The following NFATC3 variants were observed in gnomAD, a reference collection of about 807,000 sequenced individuals.
NFATC3 encodes nuclear factor of activated T cells 3, also known as nuclear factor of activated T-cells, cytoplasmic 3.
Under a neutral mutation model 98.6 loss-of-function variants are expected in NFATC3, and 46 were observed. The ratio of observed to expected loss-of-function variants is 0.47; its 90% CI spans 0.37 to 0.60. NFATC3 has a LOEUF of 0.60. Among genes scored for constraint, NFATC3 ranks in the 20% least tolerant of loss-of-function variants. The probability of loss-of-function intolerance (pLI) is 0.00; values close to 1 mark genes in which losing one functional copy is unlikely to be tolerated. For missense variants in NFATC3, 1,256 were observed against 1,295.5 expected, an observed-to-expected ratio of 0.97 and a Z score of 0.47; for synonymous variants, 512 against 472.2, an observed-to-expected ratio of 1.08 and a Z score of -1.09.
chr16:68,106,791 G>T (rs779881143), intron 1 of NFATC3, among the ~76,000 whole-genome samples: 1 of 151,688 alleles, frequency 6.6e-6, no homozygotes, highest in Non-Finnish European at 1.5e-5. Flanking sequence ...ACATGTGCAG[G>T]ATATGGAAGT....
intron 8 of NFATC3, among the ~76,000 whole-genome samples, chr16:68,185,189 CT>C (rs1468472137): frequency 1.3e-5 from 2 of 152,064 alleles, no homozygotes; most frequent in Admixed American, 1.3e-4. Flanking sequence ...GTTGGCCAGG[CT>C]GGTCTCGAAC....
At chr16:68,138,396 G>T in intron 3 of NFATC3, 1 of 732,010 alleles carries the variant, frequency 1.4e-6, no homozygotes, top group Non-Finnish European at 1.9e-6. Flanking sequence ...CTCCTTCCTT[G>T]GATTAATCAT....
Position 68,106,927 on chromosome 16 carries a change from C to G in NFATC3, c.104-15060C>G, listed in dbSNP as rs118167006. 4.8e-3 allele frequency among the ~76,000 whole-genome samples: 736 copies of G among 152,196 alleles called. 20 individuals carry two copies. The highest frequency in any genetic ancestry group is 0.041 in the East Asian group (212 of 5,174). Reference sequence around the variant, plus strand: ...CTCCCTCTCTCGTGACCCCCACCCCCAGACAGGCCCCAGTGTGTGTTGTTC... The same window carrying G: ...CTCCCTCTCTCGTGACCCCCACCCCGAGACAGGCCCCAGTGTGTGTTGTTC... On this transcript the variant is annotated intron_variant, in intron 1 of 9. Transcript: ENST00000346183.
chr16:68,174,413 A>G lies in NFATC3; in HGVS notation c.1814A>G (p.Tyr605Cys), dbSNP rs759299869. The G allele has an allele frequency of 2.5e-6, 4 of 1,595,646 alleles. No individual in the cohort carries two copies. The highest frequency in any genetic ancestry group is 3.4e-6 in the Non-Finnish European group (4 of 1,171,444). Residue 605 changes from tyrosine (Y) to cysteine (C), a missense_variant, in exon 6 of 10, where the codon TAC becomes TGC. This residue lies in a region of NFATC3 where 636 missense variants were observed against 617.3 expected (regional missense o/e 1.03). Coordinates refer to ENST00000346183, the MANE Select transcript of NFATC3 (RefSeq NM_173165.3). ...CAAGAACTTCCTCATATTGAGAAGT[A>G]CAGTATCAACAGTTGTTCTGTAAAT... is the stretch of plus-strand genomic sequence containing the variant. ...SAQELPHIEK[Y>C]SINSCSVNGG... is the part of the protein sequence containing the mutation.
rs1227258060 is a variant in NFATC3 at position 68,228,465 on chromosome 16, G to A, written c.*1994G>A. 6.6e-6 allele frequency: 1 copy of A among 152,436 alleles called. No individual in the cohort carries two copies. Among genetic ancestry groups the A allele is most frequent in the Non-Finnish European group, 1.5e-5 (1 of 68,024 alleles). The allele number at this position is 152,436 out of a possible 1,614,324, so 9.4% of individuals were successfully genotyped here. A position where few individuals can be genotyped will look rare whatever the true frequency, so the allele number is the denominator to read the frequency against. On this transcript the variant is annotated 3_prime_UTR_variant, in exon 10 of 10. Transcript: ENST00000346183. The stretch of plus-strand genomic sequence containing the variant: ...CTTGCAATACCCTTTGTGCCCTCAA[G>A]AATTAAAAGCCTCTATGATCCAGAG...
intron 9 of NFATC3, among the ~76,000 whole-genome samples, chr16:68,201,602 T>G (rs2040919002): frequency 6.6e-6 from 1 of 151,650 alleles, no homozygotes; most frequent in Non-Finnish European, 1.5e-5. Flanking sequence ...TAATTAAGAT[T>G]TGATTCAGTG....
intron 1 of NFATC3, among the ~76,000 whole-genome samples, chr16:68,097,786 G>C (rs2035095760): frequency 6.6e-6 from 1 of 152,144 alleles, no homozygotes; most frequent in Non-Finnish European, 1.5e-5. Flanking sequence ...TTTGACACAT[G>C]TAGAGACCCA....
intron 1 of NFATC3, among the ~76,000 whole-genome samples, chr16:68,112,851 A>G (rs1284499158): frequency 6.6e-6 from 1 of 150,738 alleles, no homozygotes; most frequent in Admixed American, 6.6e-5. Flanking sequence ...TCAAGCTCTG[A>G]TATCCTTTCC....
chr16:68,138,661 G>A (rs2037578470), intron 3 of NFATC3: 2 of 1,287,976 alleles, frequency 1.6e-6, no homozygotes, highest in Admixed American at 2.3e-5. Flanking sequence ...CAATTTTTTG[G>A]CTACAAGTAG....
At chr16:68,090,292 G>A (rs1303506375) in intron 1 of NFATC3, among the ~76,000 whole-genome samples, 5 of 65,248 alleles carry the variant, frequency 7.7e-5, no homozygotes, top group Admixed American at 1.8e-4. Flanking sequence ...TTTTAAACAC[G>A]CAACCCCCCC....
chr16:68,086,000 A>T (rs1310125923), intron 1 of NFATC3: 2 of 440,370 alleles, frequency 4.5e-6, no homozygotes, highest in Non-Finnish European at 8.0e-6. Context: ...GCTGGAAGCA[A>T]ACTAGTGGGG....
chr16:68,165,297 CCT>C (rs1172849903), intron 4 of NFATC3, among the ~76,000 whole-genome samples: 1 of 151,402 alleles, frequency 6.6e-6, no homozygotes, highest in Non-Finnish European at 1.5e-5. Context: ...AAATTCTTCT[CCT>C]GTGTCTTTCT....
intron 3 of NFATC3, among the ~76,000 whole-genome samples, chr16:68,137,437 C>T (rs537433951): frequency 3.9e-5 from 6 of 152,042 alleles, no homozygotes; most frequent in South Asian, 2.1e-4. Context: ...TGTCATTTAC[C>T]GAACCACTGT....
chr16:68,105,094 T>G (rs1416800507), intron 1 of NFATC3, among the ~76,000 whole-genome samples: 1 of 150,016 alleles, frequency 6.7e-6, no homozygotes, highest in Admixed American at 6.6e-5. Flanking sequence ...TGTGTGGGTT[T>G]TTTTTTTTTT....
At chr16:68,214,672 A>G (rs544391942) in intron 9 of NFATC3, among the ~76,000 whole-genome samples, 73 of 152,336 alleles carry the variant, frequency 4.8e-4, no homozygotes, top group African/African-American at 1.7e-3. Context: ...GTGTTTACTT[A>G]GATTTATTAG....
chr16:68,176,522 ACT>A (rs2039716405), intron 6 of NFATC3, among the ~76,000 whole-genome samples: 1 of 151,988 alleles, frequency 6.6e-6, no homozygotes, highest in African/African-American at 2.4e-5. Flanking sequence ...CCTTTCTCTT[ACT>A]GGATATTTCG....
At chr16:68,127,997 AGTTTTTTTTT>A (rs901954714) in intron 3 of NFATC3, among the ~76,000 whole-genome samples, 14 of 151,886 alleles carry the variant, frequency 9.2e-5, no homozygotes, top group Non-Finnish European at 2.1e-4. Context: ...TATTTCATTA[AGTTTTTTTTT>A]GTTTTTATGT....
intron 9 of NFATC3, among the ~76,000 whole-genome samples, chr16:68,192,634 A>G (rs2040493889): frequency 6.6e-6 from 1 of 152,026 alleles, no homozygotes; most frequent in African/African-American, 2.4e-5. Flanking sequence ...TGAGGCGGGT[A>G]GATCTCTTGA....
chr16:68,114,786 G>T (rs1193958040), intron 1 of NFATC3, among the ~76,000 whole-genome samples: 1 of 152,084 alleles, frequency 6.6e-6, no homozygotes, highest in Non-Finnish European at 1.5e-5. Flanking sequence ...TGTTGGCCAG[G>T]ATAGTCTCGA....
Sources: allele counts gnomAD v4.1 joint callset (sites outside exome capture counted in the v4.1 genomes callset), GRCh38; gene constraint gnomAD v4.1.1; regional missense constraint gnomAD v4.1.1; transcripts MANE v1.5; gene names NCBI Gene and HGNC (gene_info 2026-07-23, HGNC 2026-07-21).